The following TAFA1 variants were observed in gnomAD, a reference collection of about 807,000 sequenced individuals.
TAFA1 encodes the protein TAFA chemokine like family member 1, also known as chemokine-like protein TAFA-1.
Under a neutral mutation model 18.5 loss-of-function variants are expected in TAFA1, and 4 were observed. The ratio of observed to expected loss-of-function variants is 0.22; its 90% CI spans 0.11 to 0.49. TAFA1 has a LOEUF of 0.49. Among genes scored for constraint, TAFA1 ranks in the 20% least tolerant of loss-of-function variants. The pLI, the probability that TAFA1 is intolerant of heterozygous loss-of-function variation, is 0.98. For missense variants in TAFA1, 147 were observed against 169.0 expected (o/e 0.87, Z 0.72); for synonymous variants, 56 against 55.2 (o/e 1.01, Z -0.06).
chr3:68,425,481 T>C (rs947714055), intron 3 of TAFA1, among the ~76,000 whole-genome samples: 5 of 151,928 alleles, frequency 3.3e-5, no homozygotes, highest in South Asian at 2.1e-4. Context: ...TTTAGTGAAG[T>C]GATGGCATTT....
intron 2 of TAFA1, chr3:68,145,293 A>T: frequency 1.3e-6 from 1 of 789,434 alleles, no homozygotes; most frequent in Non-Finnish European, 2.3e-6. Flanking sequence ...AACGCTCATC[A>T]GTGGTCTGAG....
At chr3:68,370,417 T>TAC (rs36170007) in intron 2 of TAFA1, among the ~76,000 whole-genome samples, 4,668 of 79,996 alleles carry the variant, frequency 0.058, 308 homozygotes, top group East Asian at 0.21. Flanking sequence ...CATATATATG[T>TAC]ACACACACAC....
intron 2 of TAFA1, among the ~76,000 whole-genome samples, chr3:68,251,891 C>A (rs2067203639): frequency 6.6e-6 from 1 of 152,162 alleles, no homozygotes; most frequent in African/African-American, 2.4e-5. Context: ...GAAACTGAAT[C>A]TAAAGGAATG....
At chr3:68,389,973 G>C (rs1057063392) in intron 2 of TAFA1, among the ~76,000 whole-genome samples, 6 of 152,080 alleles carry the variant, frequency 3.9e-5, no homozygotes, top group African/African-American at 1.4e-4. Flanking sequence ...ACTTTTTCTT[G>C]TACCCCAGTG....
intron 2 of TAFA1, among the ~76,000 whole-genome samples, chr3:68,120,193 CTT>C (rs1260444806): frequency 1.7e-5 from 1 of 58,822 alleles, no homozygotes; most frequent in East Asian, 4.0e-4. Context: ...TTCTTTCTTT[CTT>C]TCTTTCTTTC....
Position 68,432,442 on chromosome 3 carries a change from T to G in TAFA1, c.259+15022T>G, listed in dbSNP as rs562139248. Among the ~76,000 whole-genome samples, 3 of 152,126 alleles carry G rather than the reference T, an allele frequency of 2.0e-5. No homozygotes were observed. In the East Asian group the frequency reaches 5.8e-4, roughly 29 times the overall value. On this transcript the variant is annotated intron_variant, in intron 3 of 4. Coordinates refer to ENST00000478136, the MANE Select transcript of TAFA1 (RefSeq NM_213609.4). ...AATGCACTCAGAAAATATATTAAAT[T>G]TATATTTTCATTAATAAGTGCATTT...
At chr3:68,365,334 C>G (rs2069546021) in intron 2 of TAFA1, among the ~76,000 whole-genome samples, 2 of 152,112 alleles carry the variant, frequency 1.3e-5, no homozygotes, top group South Asian at 4.1e-4. Flanking sequence ...CCTGCTGCTG[C>G]TTATGGAATC....
At chr3:68,112,945 G>A (rs186864072) in intron 2 of TAFA1, among the ~76,000 whole-genome samples, 51 of 152,180 alleles carry the variant, frequency 3.4e-4, no homozygotes, top group African/African-American at 1.1e-3. Context: ...TATATTCATA[G>A]ACTGGAAGAA....
At chr3:68,171,375 G>A (rs542486693) in intron 2 of TAFA1, among the ~76,000 whole-genome samples, 49 of 152,248 alleles carry the variant, frequency 3.2e-4, no homozygotes, top group African/African-American at 1.1e-3. Context: ...GATAATATTA[G>A]CCTGGTGAGA....
intron 2 of TAFA1, among the ~76,000 whole-genome samples, chr3:68,307,374 G>A (rs1347475339): frequency 6.6e-6 from 1 of 152,114 alleles, no homozygotes; most frequent in African/African-American, 2.4e-5. Context: ...GCATCCCATT[G>A]CTGGTCTAGA....
At chr3:68,269,786 T>G (rs548450909) in intron 2 of TAFA1, among the ~76,000 whole-genome samples, 20 of 152,292 alleles carry the variant, frequency 1.3e-4, no homozygotes, top group Admixed American at 1.2e-3. Flanking sequence ...ACAGGTAACA[T>G]TTTTAAAAAG....
chr3:68,228,115 A>C (rs1251360962), intron 2 of TAFA1, among the ~76,000 whole-genome samples: 2 of 152,244 alleles, frequency 1.3e-5, no homozygotes, highest in Non-Finnish European at 2.9e-5. Context: ...AACTGGGAGA[A>C]TAAAAGTACT....
intron 2 of TAFA1, among the ~76,000 whole-genome samples, chr3:68,084,174 G>A (rs1168068113): frequency 6.6e-6 from 1 of 152,196 alleles, no homozygotes; most frequent in African/African-American, 2.4e-5. Flanking sequence ...AGGACTATGA[G>A]CTGGGAAATT....
At chr3:68,215,930 T>C (rs2066651503) in intron 2 of TAFA1, among the ~76,000 whole-genome samples, 1 of 152,054 alleles carries the variant, frequency 6.6e-6, no homozygotes, top group African/African-American at 2.4e-5. Flanking sequence ...AATCAGTGAA[T>C]TGATAAACAA....
At position 68,407,086 on chromosome 3, in the gene TAFA1, C is replaced by T. The variant is rs189732185; in HGVS notation, c.119-10194C>T. 1.8e-3 allele frequency among the ~76,000 whole-genome samples: 269 copies of T among 151,928 alleles called. 2 individuals carry two copies. Among genetic ancestry groups the T allele is most frequent in the African/African-American group, 5.7e-3 (236 of 41,430 alleles). ...TAATGATGCCTAAATGCAGTTTCTC[C>T]GTGATTAGCCTGGAATGAGAGTAGA... On this transcript the variant is annotated intron_variant, in intron 2 of 4. Transcript: ENST00000478136.
At chr3:68,490,840 C>T (rs1325713830) in intron 3 of TAFA1, among the ~76,000 whole-genome samples, 12 of 147,494 alleles carry the variant, frequency 8.1e-5, no homozygotes, top group African/African-American at 1.0e-4. Flanking sequence ...TCTTTTTTTT[C>T]TTTTTTTTTT....
At position 68,276,187 on chromosome 3, in the gene TAFA1, C is replaced by A. The variant is rs576173610; in HGVS notation, c.119-141093C>A. On this transcript the variant is annotated intron_variant, in intron 2 of 4. Coordinates refer to ENST00000478136, the MANE Select transcript of TAFA1 (RefSeq NM_213609.4). ...AAAAAAACCCAGAAGACAAAATAGT[C>A]AAACCATTTCTAAGAGTAGCTGCAG... Among the ~76,000 whole-genome samples the A allele has an allele frequency of 6.6e-4, 100 of 151,190 alleles. 1 individual carries two copies. The highest frequency in any genetic ancestry group is 1.2e-4 in the Non-Finnish European group (8 of 67,778).
chr3:68,294,348 CA>C lies in TAFA1; in HGVS notation c.119-122930del, dbSNP rs150319828. On this transcript the variant is annotated intron_variant, in intron 2 of 4. Coordinates refer to ENST00000478136, the MANE Select transcript of TAFA1 (RefSeq NM_213609.4). ...TATTTTATCTAACCAAATATATCCC[CA>C]ATATCATTTTAACATGTAATTGGTG... 2.2e-3 allele frequency among the ~76,000 whole-genome samples: 334 copies of C among 152,214 alleles called. 6 individuals carry two copies. In the East Asian group the frequency reaches 0.033, roughly 15 times the overall value.
intron 2 of TAFA1, among the ~76,000 whole-genome samples, chr3:68,197,033 A>G (rs187972721): frequency 6.7e-4 from 102 of 151,864 alleles, no homozygotes; most frequent in African/African-American, 2.3e-3. Flanking sequence ...TAGAACTCCA[A>G]TATATTAGAT....
Sources: allele counts gnomAD v4.1 joint callset (sites outside exome capture counted in the v4.1 genomes callset), GRCh38; gene constraint gnomAD v4.1.1; transcripts MANE v1.5; gene names NCBI Gene and HGNC (gene_info 2026-07-23, HGNC 2026-07-21).